Variants in ABHD6 observed in about 807,000 individuals in gnomAD.
ABHD6 encodes monoacylglycerol lipase ABHD6.
In ABHD6, 33 loss-of-function variants were observed where a neutral mutation model predicts 38.8. That is an observed-to-expected ratio of 0.85 (90% confidence interval 0.64 to 1.14). ABHD6 has a LOEUF of 1.14. Among genes scored for constraint, ABHD6 ranks in the 50% most tolerant of loss-of-function variants. ABHD6 has a pLI of 0.00. For synonymous variants in ABHD6, 147 were observed against 161.6 expected, an observed-to-expected ratio of 0.91 and a Z score of 0.69; for missense variants, 380 against 422.6, an observed-to-expected ratio of 0.90 and a Z score of 0.88.
intron 1 of ABHD6, among the ~76,000 whole-genome samples, chr3:58,239,762 T>G (rs575389219): frequency 6.6e-6 from 1 of 152,168 alleles, no homozygotes; most frequent in South Asian, 2.1e-4. Context: ...GAGGTGATCC[T>G]GGTTTGCAGT....
At chr3:58,253,110 T>C (rs1313284817) in intron 2 of ABHD6, among the ~76,000 whole-genome samples, 1 of 152,072 alleles carries the variant, frequency 6.6e-6, no homozygotes, top group African/African-American at 2.4e-5. Context: ...TGGAGGCAGA[T>C]GCGACCTTCG....
chr3:58,242,942 A>G lies in ABHD6; in HGVS notation c.-91+5026A>G, dbSNP rs369184008. ...TGTGTCCAAGTGTTTTCATTGTTCA[A>G]TTCCCACCTATGAGTGAGACTGTGC... On this transcript the variant is annotated intron_variant, in intron 1 of 9. Transcript: ENST00000478253. Among the ~76,000 whole-genome samples, 194 of 152,198 alleles carry G rather than the reference A, an allele frequency of 1.3e-3. 1 individual carries two copies. The highest frequency in any genetic ancestry group is 2.2e-3 in the African/African-American group (91 of 41,524).
chr3:58,252,008 A>G (rs924599632), intron 2 of ABHD6, among the ~76,000 whole-genome samples: 3 of 152,102 alleles, frequency 2.0e-5, no homozygotes, highest in East Asian at 1.9e-4. Flanking sequence ...AGACATGACT[A>G]TTTGAATGTT....
chr3:58,270,924 C>T lies in ABHD6; in HGVS notation c.391-8C>T. 6.3e-7 allele frequency: 1 copy of T among 1,597,894 alleles called. No individual in the cohort carries two copies. Among genetic ancestry groups the T allele is most frequent in the Non-Finnish European group, 8.5e-7 (1 of 1,173,776 alleles). ...ATAACCAAGCTGCTTTCTCATTTCC[C>T]TTCCTAGTTTGTAGAATGCCTGAAG... On this transcript the variant is annotated splice_polypyrimidine_tract_variant and splice_region_variant and intron_variant, in intron 5 of 9. Transcript: ENST00000478253.
chr3:58,280,536 A>C (rs1464590036), intron 7 of ABHD6, among the ~76,000 whole-genome samples: 2 of 152,138 alleles, frequency 1.3e-5, no homozygotes, highest in African/African-American at 2.4e-5. Context: ...GGGTTCAAAC[A>C]TGCTCCTTTA....
At chr3:58,268,045 A>G (rs746994857) in intron 4 of ABHD6, among the ~76,000 whole-genome samples, 1 of 152,364 alleles carries the variant, frequency 6.6e-6, no homozygotes, top group Non-Finnish European at 1.5e-5. Flanking sequence ...ACCACACTCC[A>G]GCCTGAGCAA....
chr3:58,243,946 T>C (rs955769587), intron 1 of ABHD6, among the ~76,000 whole-genome samples: 8 of 152,092 alleles, frequency 5.3e-5, no homozygotes, highest in African/African-American at 1.7e-4. Context: ...TGTGAGCCAC[T>C]GTGCCTGGCT....
chr3:58,266,464 C>CA lies in ABHD6; in HGVS notation c.120-714dup, dbSNP rs1179353981. ...AAAAAAAACCTGACCAAACAAACAA[C>CA]AAAAAAAAAAACCTTATGTATGCTC... On this transcript the variant is annotated intron_variant, in intron 3 of 9. Coordinates refer to ENST00000478253, the MANE Select transcript of ABHD6 (RefSeq NM_001320126.2). This position sits in a 1 kb window ranked among gnomAD's most constrained non-coding sequence, Gnocchi z 4.0. Among the ~76,000 whole-genome samples the CA allele has an allele frequency of 7.3e-3, 1,043 of 142,636 alleles. 8 individuals are homozygous for CA. The highest frequency in any genetic ancestry group is 0.02 in the African/African-American group (786 of 39,118). 93.6% of individuals were successfully genotyped at this position (142,636 alleles called of 152,430 possible).
chr3:58,240,062 G>A lies in ABHD6; in HGVS notation c.-91+2146G>A, dbSNP rs553361067. ...GGCTACTTGGGAGGCTGGGGTGGGA[G>A]GATTGCTTGAGCCTGGGAGGTCAAG... is the stretch of plus-strand genomic sequence containing the variant. On this transcript the variant is annotated intron_variant, in intron 1 of 9. Coordinates refer to ENST00000478253, the MANE Select transcript of ABHD6 (RefSeq NM_001320126.2). 8.6e-5 allele frequency among the ~76,000 whole-genome samples: 13 copies of A among 151,954 alleles called. No individual in the cohort carries two copies. The South Asian group carries it at 2.7e-3, about 32-fold the overall frequency.
At chr3:58,280,867 T>C (rs974520348) in intron 7 of ABHD6, among the ~76,000 whole-genome samples, 1 of 152,206 alleles carries the variant, frequency 6.6e-6, no homozygotes, top group Non-Finnish European at 1.5e-5. Flanking sequence ...TGCAGGTCTG[T>C]TGGAGTTTGC....
At chr3:58,261,169 T>A (rs75201109) in intron 3 of ABHD6, among the ~76,000 whole-genome samples, 2,338 of 152,178 alleles carry the variant, frequency 0.015, 49 homozygotes, top group African/African-American at 0.053. Context: ...AGTTGTGAAA[T>A]CAAGGTAAGA....
chr3:58,262,972 G>A (rs536269155), intron 3 of ABHD6, among the ~76,000 whole-genome samples: 1 of 152,314 alleles, frequency 6.6e-6, no homozygotes, highest in African/African-American at 2.4e-5. Flanking sequence ...CACTTTGGAA[G>A]GCCGAGGTGG....
Position 58,293,256 on chromosome 3 carries a change from G to A in ABHD6, c.838-333G>A, listed in dbSNP as rs1206291271. On this transcript the variant is annotated intron_variant, in intron 9 of 9. Coordinates refer to ENST00000478253, the MANE Select transcript of ABHD6 (RefSeq NM_001320126.2). This position sits in a 1 kb window ranked among gnomAD's most constrained non-coding sequence, Gnocchi z 4.4. ...TTCTGCTCTCCCGGGACTCAGGAAC[G>A]AGGTCTTCCCTCGACCCTGCTCATC... Among the ~76,000 whole-genome samples, 2 of 152,120 alleles carry A rather than the reference G, an allele frequency of 1.3e-5. No homozygotes were observed. Among genetic ancestry groups the A allele is most frequent in the African/African-American group, 2.4e-5 (1 of 41,412 alleles).
chr3:58,270,503 CAAAAAAAAA>C (rs768619665), intron 5 of ABHD6, among the ~76,000 whole-genome samples: 6 of 60,656 alleles, frequency 9.9e-5, no homozygotes, highest in Non-Finnish European at 1.5e-4. Flanking sequence ...CTCATCTCTA[CAAAAAAAAA>C]AAAAAAAAAA....
In ABHD6 at chr3:58,285,585, T is replaced by G. The variant is rs1268107348; in HGVS notation, c.837+132T>G. 4.0e-6 allele frequency: 3 copies of G among 746,656 alleles called. No individual in the cohort carries two copies. Among genetic ancestry groups the G allele is most frequent in the Non-Finnish European group, 6.9e-6 (3 of 431,996 alleles). 46.3% of individuals were successfully genotyped at this position (746,656 alleles called of 1,614,324 possible). On this transcript the variant is annotated intron_variant, in intron 9 of 9. Coordinates refer to ENST00000478253, the MANE Select transcript of ABHD6 (RefSeq NM_001320126.2). This position sits in a 1 kb window ranked among gnomAD's most constrained non-coding sequence, Gnocchi z 4.9. ...CTGTCAGGAAGAGGGGGAAGGCACC[T>G]GTGTTGGGTGCCAGTGTTGACAGTG...
In ABHD6 at chr3:58,257,105, AC is replaced by A. The variant is rs2097433920; in HGVS notation, c.119+402del. Among the ~76,000 whole-genome samples the A allele has an allele frequency of 6.6e-6, 1 of 151,984 alleles. No individual in the cohort carries two copies. The highest frequency in any genetic ancestry group is 2.4e-5 in the African/African-American group (1 of 41,390). On this transcript the variant is annotated intron_variant, in intron 3 of 9. Transcript: ENST00000478253. This position sits in a 1 kb window ranked among gnomAD's most constrained non-coding sequence, Gnocchi z 4.8. ...GTATTTTTAGTACAGATGGGGTTTC[AC>A]CATGTTGGCCAGGCTGGTCTCCAAC... is the stretch of plus-strand genomic sequence containing the variant.
In ABHD6 at chr3:58,286,848, G is replaced by GCATATATATATATATATATATATA. The variant is rs746605515; in HGVS notation, c.837+1395_837+1396insCATATATATATATATATATATATA. ...TGTGTGTGTGTGTGTGTGTGTGTGT[G>GCATATATATATATATATATATATA]TGTGTATATATATATATATATGTAT... On this transcript the variant is annotated intron_variant, in intron 9 of 9. Transcript: ENST00000478253. Among the ~76,000 whole-genome samples the GCATATATATATATATATATATATA allele has an allele frequency of 2.4e-3, 169 of 70,028 alleles. 10 individuals are homozygous for GCATATATATATATATATATATATA. Among genetic ancestry groups the GCATATATATATATATATATATATA allele is most frequent in the Non-Finnish European group, 2.5e-3 (93 of 37,278 alleles). The allele number at this position is 70,028 out of a possible 152,430, so 45.9% of individuals were successfully genotyped here.
chr3:58,252,764 A>G (rs918235929), intron 2 of ABHD6, among the ~76,000 whole-genome samples: 4 of 152,184 alleles, frequency 2.6e-5, no homozygotes, highest in African/African-American at 9.6e-5. Context: ...TTCCTGGTTC[A>G]TAATGCTTCA....
chr3:58,290,066 C>A (rs1440782787), intron 9 of ABHD6, among the ~76,000 whole-genome samples: 1 of 126,494 alleles, frequency 7.9e-6, no homozygotes, highest in South Asian at 2.6e-4. Context: ...CCCTCCCGGA[C>A]GGGGCGGCTG....
Sources: gnomAD v4.1 joint callset for allele counts (sites outside exome capture counted in the v4.1 genomes callset) on GRCh38, gnomAD v4.1.1 for gene constraint, Gnocchi (gnomAD v3.1) non-coding constraint, MANE v1.5 for transcripts, NCBI Gene and HGNC (gene_info 2026-07-23, HGNC 2026-07-21) for gene names.